ZNF804B: variants seen among roughly 807,000 people sequenced by gnomAD.
The protein encoded by ZNF804B is zinc finger 804B.
ZNF804B carries 80 observed loss-of-function variants against 101.4 expected under a neutral mutation model. The observed-to-expected ratio is 0.79, with a 90% confidence interval of 0.66 to 0.95. The LOEUF (loss-of-function observed/expected upper bound fraction) is 0.95. Among genes scored for constraint, ZNF804B ranks in the 40% least tolerant of loss-of-function variants. The probability of loss-of-function intolerance (pLI) is 0.00; values close to 1 mark genes in which losing one functional copy is unlikely to be tolerated. For synonymous variants in ZNF804B, 622 were observed against 558.8 expected (o/e 1.11, Z -1.59); for missense variants, 1,673 against 1,561.9 (o/e 1.07, Z -1.20).
intron 1 of ZNF804B, among the ~76,000 whole-genome samples, chr7:88,993,864 G>T (rs970251368): frequency 1.3e-5 from 2 of 151,822 alleles, no homozygotes; most frequent in Non-Finnish European, 2.9e-5. Flanking sequence ...AAAAAAGATA[G>T]AAAATTTGAA....
chr7:89,015,430 C>T (rs1406664624), intron 1 of ZNF804B, among the ~76,000 whole-genome samples: 2 of 151,744 alleles, frequency 1.3e-5, no homozygotes, highest in African/African-American at 2.4e-5. Flanking sequence ...TGGTGTGCTG[C>T]ACCCATTAAC....
chr7:88,976,811 T>C (rs556253805), intron 1 of ZNF804B, among the ~76,000 whole-genome samples: 183 of 151,730 alleles, frequency 1.2e-3, no homozygotes, highest in Non-Finnish European at 2.2e-3. Context: ...GTTTCAGGTT[T>C]CATATATTAG....
chr7:89,180,851 A>G (rs1788286229), intron 1 of ZNF804B, among the ~76,000 whole-genome samples: 1 of 145,188 alleles, frequency 6.9e-6, no homozygotes, highest in Non-Finnish European at 1.5e-5. Flanking sequence ...ATTCCTTGTG[A>G]TCTAGAATGC....
intron 1 of ZNF804B, among the ~76,000 whole-genome samples, chr7:88,771,553 G>T (rs1302408504): frequency 2.0e-5 from 3 of 152,044 alleles, no homozygotes; most frequent in Non-Finnish European, 4.4e-5. Context: ...ATTTCTGGGT[G>T]TGGATAGGTA....
rs1791319012 is a variant in ZNF804B, at chr7:89,176,448, T to C, written c.109-41707T>C. On this transcript the variant is annotated intron_variant, in intron 1 of 3. Coordinates refer to ENST00000333190, the MANE Select transcript of ZNF804B (RefSeq NM_181646.5). The stretch of plus-strand genomic sequence containing the variant: ...TTTGCGTGATTGGAATAAATCTCAC[T>C]TGGTCATGATGAATGATCTTTTTAA... Among the ~76,000 whole-genome samples, 3 of 152,156 alleles carry C rather than the reference T, an allele frequency of 2.0e-5. No individual in the cohort carries two copies. In the South Asian group the frequency reaches 6.2e-4, roughly 32 times the overall value.
intron 1 of ZNF804B, among the ~76,000 whole-genome samples, chr7:89,208,750 C>T (rs1338032488): frequency 6.6e-5 from 10 of 152,068 alleles, no homozygotes; most frequent in Non-Finnish European, 1.0e-4. Context: ...CGGTGGCTCA[C>T]GCCTGTAATC....
At chr7:89,046,626 G>T (rs950538362) in intron 1 of ZNF804B, among the ~76,000 whole-genome samples, 1 of 151,892 alleles carries the variant, frequency 6.6e-6, no homozygotes, top group African/African-American at 2.4e-5. Context: ...AAACATAAAT[G>T]TTATTGTTAT....
chr7:89,014,614 C>T (rs559145459), intron 1 of ZNF804B, among the ~76,000 whole-genome samples: 4 of 152,180 alleles, frequency 2.6e-5, no homozygotes, highest in African/African-American at 7.2e-5. Flanking sequence ...CCGCGCCCAG[C>T]GATTGAACTT....
intron 1 of ZNF804B, among the ~76,000 whole-genome samples, chr7:88,915,204 A>G (rs1370542439): frequency 6.6e-6 from 1 of 152,064 alleles, no homozygotes; most frequent in Non-Finnish European, 1.5e-5. Flanking sequence ...TAAAAGTACA[A>G]TTTTCTGACA....
At position 89,275,074 on chromosome 7, in the gene ZNF804B, A is replaced by T. The variant is rs747543651; in HGVS notation, c.250-52270A>T. ...GACTTGCATCTGTATTTGGACGTCT[A>T]ATAGGCATCTGAAAATTATCTAGAC... On this transcript the variant is annotated intron_variant, in intron 2 of 3. Coordinates refer to ENST00000333190, the MANE Select transcript of ZNF804B (RefSeq NM_181646.5). Among the ~76,000 whole-genome samples the T allele has an allele frequency of 9.9e-5, 15 of 151,980 alleles. 1 individual carries two copies. The highest frequency in any genetic ancestry group is 3.3e-4 in the Admixed American group (5 of 15,256).
chr7:88,808,208 A>G (rs1430835283), intron 1 of ZNF804B, among the ~76,000 whole-genome samples: 1 of 152,084 alleles, frequency 6.6e-6, no homozygotes, highest in African/African-American at 2.4e-5. Flanking sequence ...TCTGGCCAAC[A>G]TGGTGAAAAC....
In ZNF804B at chr7:88,951,592, T is replaced by C. The variant is rs192806098; in HGVS notation, c.108+191508T>C. On this transcript the variant is annotated intron_variant, in intron 1 of 3. Coordinates refer to ENST00000333190, the MANE Select transcript of ZNF804B (RefSeq NM_181646.5). ...AGTTTTAAGATGTACTTACTTTCTG[T>C]TGCAAAAATTACTTTTACATTCAAG... is the stretch of plus-strand genomic sequence containing the variant. Among the ~76,000 whole-genome samples, 5 of 152,038 alleles carry C rather than the reference T, an allele frequency of 3.3e-5. No individual in the cohort carries two copies. In the East Asian group the frequency reaches 9.8e-4, roughly 30 times the overall value.
At chr7:89,067,844 GA>G (rs1194093203) in intron 1 of ZNF804B, among the ~76,000 whole-genome samples, 1 of 79,516 alleles carries the variant, frequency 1.3e-5, no homozygotes, top group African/African-American at 5.8e-5. Flanking sequence ...TTTTTTTTGA[GA>G]CAGAGTCTTA....
At chr7:89,227,572 A>C (rs1789114265) in intron 2 of ZNF804B, among the ~76,000 whole-genome samples, 1 of 152,214 alleles carries the variant, frequency 6.6e-6, no homozygotes, top group Non-Finnish European at 1.5e-5. Flanking sequence ...AAAATAAAGG[A>C]TTGAAGTGTA....
At chr7:89,243,426 G>A (rs939283437) in intron 2 of ZNF804B, among the ~76,000 whole-genome samples, 1 of 151,704 alleles carries the variant, frequency 6.6e-6, no homozygotes, top group African/African-American at 2.4e-5. Context: ...AGACCAGAAT[G>A]CACCATTCTC....
chr7:88,792,172 C>T (rs775760401), intron 1 of ZNF804B, among the ~76,000 whole-genome samples: 17 of 151,934 alleles, frequency 1.1e-4, no homozygotes, highest in East Asian at 3.9e-4. Flanking sequence ...TGTATTTTAT[C>T]GGTTAAGGCA....
chr7:89,210,268 TA>T (rs201514597), intron 1 of ZNF804B, among the ~76,000 whole-genome samples: 4 of 151,734 alleles, frequency 2.6e-5, no homozygotes, highest in African/African-American at 9.7e-5. Flanking sequence ...TAGGTAAAAG[TA>T]AAAAAAACAG....
At chr7:89,277,140 A>G (rs1023287447) in intron 2 of ZNF804B, among the ~76,000 whole-genome samples, 7 of 148,432 alleles carry the variant, frequency 4.7e-5, no homozygotes, top group East Asian at 1.9e-4. Context: ...TATAAAATAT[A>G]TAAACACATA....
intron 1 of ZNF804B, among the ~76,000 whole-genome samples, chr7:89,206,172 C>T (rs1309816004): frequency 6.6e-6 from 1 of 152,224 alleles, no homozygotes; most frequent in Admixed American, 6.5e-5. Context: ...GGGCTTGGGC[C>T]CGGCCCATAA....
Sources: gnomAD v4.1 joint callset for allele counts (sites outside exome capture counted in the v4.1 genomes callset) on GRCh38, gnomAD v4.1.1 for gene constraint, MANE v1.5 for transcripts, NCBI Gene and HGNC (gene_info 2026-07-23, HGNC 2026-07-21) for gene names.